The following USP54 variants were observed in gnomAD, a reference collection of about 807,000 sequenced individuals.
The protein encoded by USP54 is ubiquitin specific peptidase 54.
Under a neutral mutation model 170.5 loss-of-function variants are expected in USP54, and 87 were observed. The observed-to-expected ratio is 0.51, with a 90% CI of 0.43 to 0.61. The LOEUF (loss-of-function observed/expected upper bound fraction) is 0.61, where lower values mean the gene tolerates loss of function less well. USP54 is among the 20% of genes least tolerant of loss of function. USP54 has a pLI of 0.00. For synonymous variants in USP54, 655 were observed against 742.8 expected (o/e 0.88, Z 1.92); for missense variants, 1,786 against 2,047.8 (o/e 0.87, Z 2.47).
chr10:73,519,170 T>C (rs2061535389), intron 19 of USP54: 1 of 151,748 alleles, frequency 6.6e-6, no homozygotes, highest in Non-Finnish European at 1.5e-5. Context: ...AAATGTTAAC[T>C]GCTTTTACTA....
intron 16 of USP54, among the ~76,000 whole-genome samples, chr10:73,524,534 C>A (rs553072473): frequency 6.6e-6 from 1 of 151,938 alleles, no homozygotes; most frequent in Non-Finnish European, 1.5e-5. Context: ...GAGCCAAGAT[C>A]GCGCCATTGC....
chr10:73,578,256 T>C (rs1337326271), intron 1 of USP54, among the ~76,000 whole-genome samples: 2 of 152,198 alleles, frequency 1.3e-5, no homozygotes, highest in Admixed American at 6.5e-5. Context: ...TCCAGAGAAA[T>C]ACTAACACCA....
At chr10:73,508,988 T>C (rs1257110435) in intron 20 of USP54, among the ~76,000 whole-genome samples, 1 of 149,282 alleles carries the variant, frequency 6.7e-6, no homozygotes, top group Admixed American at 6.7e-5. Context: ...TTTTTTTTTT[T>C]CTTAAGGACT....
In USP54 at chr10:73,500,793, A is replaced by G. The variant is rs1436827900; in HGVS notation, c.4357T>C (p.Ser1453Pro). The change falls in exon 23 of 24, where the codon TCC (serine) becomes CCC (proline). Residue 1453 changes from serine (S) to proline (P), a missense_variant. Around this residue, in one of 3 missense-constraint regions of USP54, gnomAD observed 1,418 missense variants for 1,569.0 expected, o/e 0.90. Coordinates refer to ENST00000687698, the MANE Select transcript of USP54 (RefSeq NM_001391956.1). Reference protein sequence around the residue: ...RKPLETGHRCSSSSSLPVIHD... With the variant: ...RKPLETGHRCPSSSSLPVIHD... ...ATGACAGGGAGGGAAGAGGAGCTGG[A>G]ACAACGGTGCCCGGTTTCCAAAGGC... 4 of 1,600,892 alleles carry G rather than the reference A, an allele frequency of 2.5e-6. No individual in the cohort carries two copies. Among genetic ancestry groups the G allele is most frequent in the East Asian group, 2.3e-5 (1 of 43,848 alleles).
chr10:73,522,722 T>G (rs2062103870), intron 17 of USP54, among the ~76,000 whole-genome samples: 1 of 152,152 alleles, frequency 6.6e-6, no homozygotes, highest in African/African-American at 2.4e-5. Flanking sequence ...ACAATTACCT[T>G]GAATCAAAAG....
chr10:73,616,422 G>A (rs540060544), intron 1 of USP54, among the ~76,000 whole-genome samples: 35 of 147,830 alleles, frequency 2.4e-4, no homozygotes, highest in Admixed American at 6.7e-4. Flanking sequence ...CAAATGCCAC[G>A]TTTTCACTTA....
chr10:73,610,210 T>C (rs2080026902), intron 1 of USP54, among the ~76,000 whole-genome samples: 1 of 152,074 alleles, frequency 6.6e-6, no homozygotes, highest in African/African-American at 2.4e-5. Context: ...AAAACTTTAC[T>C]GTGAAACTAC....
intron 1 of USP54, among the ~76,000 whole-genome samples, chr10:73,599,968 C>G (rs1055938774): frequency 1.4e-5 from 2 of 140,908 alleles, no homozygotes; most frequent in African/African-American, 5.3e-5. Context: ...ATGGCGTGAT[C>G]TTGGCTCACT....
At chr10:73,584,539 C>T (rs2077260128) in intron 1 of USP54, among the ~76,000 whole-genome samples, 2 of 152,044 alleles carry the variant, frequency 1.3e-5, no homozygotes, top group South Asian at 2.1e-4. Context: ...GCTAAATGTG[C>T]GCAGAATGAA....
rs371488245 is a variant in USP54 at position 73,539,525 on chromosome 10, G to A, written c.894C>T (p.Tyr298=). 9.3e-6 allele frequency: 15 copies of A among 1,612,016 alleles called. No individual in the cohort carries two copies. Among genetic ancestry groups the A allele is most frequent in the Non-Finnish European group, 1.2e-5 (14 of 1,178,730 alleles). The change falls in exon 10 of 24, where the codon TAC becomes TAT. Residue 298 remains tyrosine, a synonymous_variant. Transcript: ENST00000687698. ...SELYLVGMIC[Y]YGKHYSTFFF... is the part of the protein sequence containing the mutation. ...AGAATGTAGAATAATGTTTGCCATA[G>A]TAACAGATCATTCCAACTAAGTACA...
At position 73,536,567 on chromosome 10, in the gene USP54, C is replaced by T. The variant is rs902704209; in HGVS notation, c.976-130G>A. On this transcript the variant is annotated intron_variant, in intron 10 of 23. Coordinates refer to ENST00000687698, the MANE Select transcript of USP54 (RefSeq NM_001391956.1). ...AGATAAGAATTGGGTAAAAAGGCAG[C>T]AAAAAAGATCTCAGACCTAACACTT... 5 of 1,065,190 alleles carry T rather than the reference C, an allele frequency of 4.7e-6. No homozygotes were observed. The African/African-American group carries it at 8.2e-5, about 18-fold the overall frequency. 66.0% of individuals were successfully genotyped at this position (1,065,190 alleles called of 1,614,324 possible). A position where few individuals can be genotyped will look rare whatever the true frequency, so the allele number is the denominator to read the frequency against.
At chr10:73,538,837 G>A (rs140708381) in intron 10 of USP54, among the ~76,000 whole-genome samples, 1 of 152,054 alleles carries the variant, frequency 6.6e-6, no homozygotes, top group East Asian at 1.9e-4. Context: ...AAAATGCTTT[G>A]TCACCTATAA....
Position 73,517,324 on chromosome 10 carries a change from G to A in USP54, c.3102C>T (p.Asn1034=), listed in dbSNP as rs764242800. ...QLFQEKKDPA[N]PSPVMPGIAT... is the part of the protein sequence containing the mutation. ...CTATTCCAGGCATCACCGGGGAGGGGTTAGCAGGATCCTTCTTTTCTTGGA... is the reference window on the plus strand; with the variant it reads ...CTATTCCAGGCATCACCGGGGAGGGATTAGCAGGATCCTTCTTTTCTTGGA... Residue 1034 remains asparagine (N), a synonymous_variant, in exon 20 of 24, where the codon AAC becomes AAT. Transcript: ENST00000687698. 1 of 1,612,658 alleles carries A rather than the reference G, an allele frequency of 6.2e-7. No individual in the cohort carries two copies. Among genetic ancestry groups the A allele is most frequent in the Non-Finnish European group, 8.5e-7 (1 of 1,179,296 alleles).
chr10:73,624,569 A>AT (rs1490996245), intron 1 of USP54: 1 of 152,126 alleles, frequency 6.6e-6, no homozygotes. Flanking sequence ...CCAGTTATAT[A>AT]ATCACAAGAG....
At chr10:73,595,019 G>A (rs768680758), upstream of USP54, among the ~76,000 whole-genome samples, 4 of 151,760 alleles carry the variant, frequency 2.6e-5, no homozygotes, top group Non-Finnish European at 5.9e-5. Context: ...TCTGCCTCCC[G>A]GGTTCAAGTG....
intron 1 of USP54, among the ~76,000 whole-genome samples, chr10:73,599,962 C>T (rs938783796): frequency 4.2e-5 from 6 of 142,448 alleles, no homozygotes; most frequent in Admixed American, 3.7e-4. Context: ...AGTGCAATGG[C>T]GTGATCTTGG....
Position 73,532,176 on chromosome 10 carries a change from T to C in USP54, c.1316-1341A>G, listed in dbSNP as rs554602502. On this transcript the variant is annotated intron_variant, in intron 12 of 23. Coordinates refer to ENST00000687698, the MANE Select transcript of USP54 (RefSeq NM_001391956.1). ...GAGGAAATAACTTGGAACAACTAAGTCTTTTTTTTTTTTTGAGACGGAGTC... is the reference window on the plus strand; with the variant it reads ...GAGGAAATAACTTGGAACAACTAAGCCTTTTTTTTTTTTTGAGACGGAGTC... Among the ~76,000 whole-genome samples the C allele has an allele frequency of 1.6e-4, 25 of 151,892 alleles. No homozygotes were observed. The South Asian group carries it at 5.2e-3, about 32-fold the overall frequency.
intron 5 of USP54, among the ~76,000 whole-genome samples, chr10:73,545,225 C>T (rs926843349): frequency 5.9e-5 from 9 of 152,038 alleles, no homozygotes; most frequent in Non-Finnish European, 8.8e-5. Flanking sequence ...ACAGATATTC[C>T]GGGACTCCTC....
chr10:73,587,310 A>G lies in USP54; in HGVS notation c.-582+3968T>C, dbSNP rs2077611957. On this transcript the variant is annotated intron_variant, in intron 1 of 23. Coordinates refer to ENST00000687698, the MANE Select transcript of USP54 (RefSeq NM_001391956.1). ...AACACGGTGAAACCCCGTCTCTACT[A>G]AAAAACACAAAAAAATTAGCCGGGT... 5.3e-5 allele frequency among the ~76,000 whole-genome samples: 8 copies of G among 152,112 alleles called. No homozygotes were observed. The South Asian group carries it at 1.5e-3, about 28-fold the overall frequency.
Sources: allele counts gnomAD v4.1 joint callset (sites outside exome capture counted in the v4.1 genomes callset), GRCh38; gene constraint gnomAD v4.1.1; regional missense constraint gnomAD v4.1.1; transcripts MANE v1.5; gene names NCBI Gene and HGNC (gene_info 2026-07-23, HGNC 2026-07-21).